The following ADARB2 variants were observed in gnomAD, a reference collection of about 807,000 sequenced individuals.
ADARB2 encodes inactive double-stranded RNA-specific editase B2.
In ADARB2, 25 loss-of-function variants were observed where a neutral mutation model predicts 62.2. That is an observed-to-expected ratio of 0.40 (90% CI 0.29 to 0.56). The LOEUF (loss-of-function observed/expected upper bound fraction) is 0.56. Ranked by LOEUF, ADARB2 falls within the 20% of genes least tolerant of loss-of-function variation. The pLI is 0.43. For synonymous variants in ADARB2, 572 were observed against 500.8 expected, an observed-to-expected ratio of 1.14 and a Z score of -1.90; for missense variants, 1,071 against 1,077.4, an observed-to-expected ratio of 0.99 and a Z score of 0.08.
intron 8 of ADARB2, among the ~76,000 whole-genome samples, chr10:1,187,166 CGGT>C (rs1836770755): frequency 6.6e-6 from 1 of 152,226 alleles, no homozygotes; most frequent in African/African-American, 2.4e-5. Flanking sequence ...AAGTGATTCA[CGGT>C]GGCAGCTGCC....
At chr10:1,647,983 G>C (rs1483482098) in intron 1 of ADARB2, among the ~76,000 whole-genome samples, 1 of 152,124 alleles carries the variant, frequency 6.6e-6, no homozygotes, top group Non-Finnish European at 1.5e-5. Context: ...CATTAAACTG[G>C]TGTGATAAAT....
At chr10:1,659,426 C>G (rs1046397511) in intron 1 of ADARB2, among the ~76,000 whole-genome samples, 2 of 152,150 alleles carry the variant, frequency 1.3e-5, no homozygotes, top group Non-Finnish European at 2.9e-5. Context: ...ATCTAAAAAA[C>G]GAAAAAACCA....
intron 1 of ADARB2, among the ~76,000 whole-genome samples, chr10:1,384,196 A>G (rs1832507306): frequency 6.6e-6 from 1 of 152,248 alleles, no homozygotes; most frequent in South Asian, 2.1e-4. Context: ...TAGACGGTGC[A>G]GAGGAACATT....
At chr10:1,381,653 A>G (rs1832484239) in intron 1 of ADARB2, among the ~76,000 whole-genome samples, 3 of 152,230 alleles carry the variant, frequency 2.0e-5, no homozygotes, top group Non-Finnish European at 4.4e-5. Flanking sequence ...CAGATTAGGC[A>G]GCCTTAAAAA....
intron 1 of ADARB2, among the ~76,000 whole-genome samples, chr10:1,566,074 A>C (rs3122283): frequency 5.7e-3 from 50 of 8,734 alleles, no homozygotes; most frequent in East Asian, 0.047. Context: ...AAAAAAAAAA[A>C]AAAAAAAAAA....
rs190017624 is a variant in ADARB2 at position 1,688,490 on chromosome 10, C to T, written c.100+48561G>A. ...CAACACTCAGGGATGGCTCCGAGGGCAGGTGCATTTCTCACTGAGATCTGC... is the reference window on the plus strand; with the variant it reads ...CAACACTCAGGGATGGCTCCGAGGGTAGGTGCATTTCTCACTGAGATCTGC... On this transcript the variant is annotated intron_variant, in intron 1 of 9. Coordinates refer to ENST00000381312, the MANE Select transcript of ADARB2 (RefSeq NM_018702.4). Among the ~76,000 whole-genome samples, 3 of 151,864 alleles carry T rather than the reference C, an allele frequency of 2.0e-5. No homozygotes were observed. The East Asian group carries it at 5.9e-4, about 30-fold the overall frequency.
intron 4 of ADARB2, 97 bp from the exon 5 acceptor site, chr10:1,242,396 T>G: frequency 7.2e-7 from 1 of 1,393,698 alleles, no homozygotes; most frequent in Non-Finnish European, 9.5e-7. Context: ...TTTCCCTGGG[T>G]TAGGAAACCT....
intron 8 of ADARB2, among the ~76,000 whole-genome samples, chr10:1,196,262 A>T: frequency 8.1e-6 from 1 of 124,088 alleles, no homozygotes. Context: ...CGTCTCCCCT[A>T]CTGGAATGCA....
At chr10:1,273,302 C>G (rs1396065601) in intron 3 of ADARB2, among the ~76,000 whole-genome samples, 1 of 152,102 alleles carries the variant, frequency 6.6e-6, no homozygotes, top group Non-Finnish European at 1.5e-5. Flanking sequence ...TCTCTGCTGC[C>G]CACGCTGGAG....
intron 1 of ADARB2, among the ~76,000 whole-genome samples, chr10:1,646,448 A>G (rs1445495241): frequency 6.6e-6 from 1 of 152,232 alleles, no homozygotes; most frequent in Non-Finnish European, 1.5e-5. Flanking sequence ...AAGAGAGCAA[A>G]TCAGACATTG....
At chr10:1,534,579 CTCCTCAGCAGATGA>C (rs1203063435) in intron 1 of ADARB2, 2 of 152,354 alleles carry the variant, frequency 1.3e-5, no homozygotes, top group East Asian at 3.8e-4. Flanking sequence ...CTGAAACTGT[CTCCTCAGCAGATGA>C]TCCCTGCATT....
At chr10:1,454,308 A>G (rs111475130) in intron 1 of ADARB2, among the ~76,000 whole-genome samples, 8,358 of 152,240 alleles carry the variant, frequency 0.055, 709 homozygotes, top group African/African-American at 0.18. Context: ...CTACAATTCA[A>G]GATGAGATTT....
chr10:1,219,073 T>C (rs1174171623), intron 6 of ADARB2, among the ~76,000 whole-genome samples: 13 of 118,706 alleles, frequency 1.1e-4, no homozygotes, highest in South Asian at 2.9e-4. Context: ...AAAAAAAGAG[T>C]GTGTGGCATC....
At chr10:1,302,608 C>A (rs1291604912) in intron 3 of ADARB2, among the ~76,000 whole-genome samples, 1 of 152,236 alleles carries the variant, frequency 6.6e-6, no homozygotes, top group African/African-American at 2.4e-5. Flanking sequence ...GCAGTAACCT[C>A]TGCAGACTTA....
At chr10:1,606,285 C>T (rs527485441) in intron 1 of ADARB2, among the ~76,000 whole-genome samples, 2 of 152,270 alleles carry the variant, frequency 1.3e-5, no homozygotes, top group East Asian at 3.9e-4. Context: ...CAAAGTCAAG[C>T]CCCAGCCCAG....
intron 1 of ADARB2, among the ~76,000 whole-genome samples, chr10:1,464,282 C>T (rs796507629): frequency 3.5e-5 from 4 of 113,576 alleles, no homozygotes; most frequent in East Asian, 2.4e-4. Flanking sequence ...CCCCCACACA[C>T]GCGCTGGGGA....
chr10:1,402,346 C>G (rs2820587), intron 1 of ADARB2, among the ~76,000 whole-genome samples: 1 of 152,056 alleles, frequency 6.6e-6, no homozygotes, highest in African/African-American at 2.4e-5. Flanking sequence ...TGCACACACA[C>G]GTGGGGAGCC....
At chr10:1,580,739 T>C (rs887399155) in intron 1 of ADARB2, among the ~76,000 whole-genome samples, 4 of 152,142 alleles carry the variant, frequency 2.6e-5, no homozygotes, top group Admixed American at 2.6e-4. Flanking sequence ...GCCCTAAAAA[T>C]CCGCCATGCT....
At chr10:1,288,728 C>T (rs768059137) in intron 3 of ADARB2, among the ~76,000 whole-genome samples, 2 of 152,232 alleles carry the variant, frequency 1.3e-5, no homozygotes, top group Non-Finnish European at 2.9e-5. Flanking sequence ...ACTCCTGGAG[C>T]AGGCAGGCAG....
Sources: allele counts gnomAD v4.1 joint callset (sites outside exome capture counted in the v4.1 genomes callset), GRCh38; gene constraint gnomAD v4.1.1; transcripts MANE v1.5; gene names NCBI Gene and HGNC (gene_info 2026-07-23, HGNC 2026-07-21).